The following SYCP2L variants were observed in gnomAD, a reference collection of about 807,000 sequenced individuals.
SYCP2L encodes the protein synaptonemal complex protein 2-like.
SYCP2L carries 98 observed loss-of-function variants against 125.8 expected under a neutral mutation model. The observed-to-expected ratio is 0.78, with a 90% CI of 0.66 to 0.92. The LOEUF is 0.92. Ranked by LOEUF, SYCP2L falls within the 40% of genes least tolerant of loss-of-function variation. The probability of loss-of-function intolerance (pLI) is 0.00; values close to 1 mark genes in which losing one functional copy is unlikely to be tolerated. For synonymous variants in SYCP2L, 317 were observed against 325.4 expected (o/e 0.97, Z 0.28); for missense variants, 842 against 936.4 (o/e 0.90, Z 1.32).
At chr6:10,937,735 A>G (rs1357582757) in intron 21 of SYCP2L, among the ~76,000 whole-genome samples, 1 of 152,220 alleles carries the variant, frequency 6.6e-6, no homozygotes, top group African/African-American at 2.4e-5. Flanking sequence ...AGGAGACACT[A>G]CAACTGATAC....
At chr6:10,958,942 A>T in intron 26 of SYCP2L, 67 bp downstream of exon 26, 7 of 1,386,404 alleles carry the variant, frequency 5.0e-6, no homozygotes, top group Non-Finnish European at 7.1e-6. Context: ...TTATCTCATG[A>T]CCACTGTGCT....
chr6:10,904,071 T>C (rs1178554735), intron 8 of SYCP2L, among the ~76,000 whole-genome samples: 1 of 152,212 alleles, frequency 6.6e-6, no homozygotes, highest in East Asian at 1.9e-4. Flanking sequence ...TTGATAGTTA[T>C]TGTAAAGGTT....
intron 5 of SYCP2L, 141 bp from the exon 6 acceptor site, chr6:10,898,683 G>A (rs1780325935): frequency 3.1e-6 from 2 of 649,164 alleles, no homozygotes; most frequent in Admixed American, 5.6e-5. Flanking sequence ...TTAAGGCCCA[G>A]ATAGGCTTTC....
intron 5 of SYCP2L, among the ~76,000 whole-genome samples, 169 bp downstream of exon 5, chr6:10,898,284 G>A (rs1780295078): frequency 6.6e-6 from 1 of 152,202 alleles, no homozygotes; most frequent in Non-Finnish European, 1.5e-5. Flanking sequence ...GGAGGCCGAG[G>A]TGAGTGGATC....
intron 21 of SYCP2L, among the ~76,000 whole-genome samples, chr6:10,936,078 C>A (rs542983151): frequency 1.5e-4 from 23 of 152,106 alleles, no homozygotes; most frequent in Admixed American, 3.9e-4. Context: ...CATTATTCTG[C>A]AGTTCACATT....
intron 1 of SYCP2L, among the ~76,000 whole-genome samples, chr6:10,890,532 T>A (rs1780154641): frequency 1.3e-5 from 2 of 152,218 alleles, no homozygotes; most frequent in Non-Finnish European, 2.9e-5. Flanking sequence ...TTACCCATTT[T>A]TAATTGGATT....
At chr6:10,972,625 GGAA>G (rs1781793212) in intron 29 of SYCP2L, among the ~76,000 whole-genome samples, 1 of 152,166 alleles carries the variant, frequency 6.6e-6, no homozygotes, top group Admixed American at 6.5e-5. Context: ...ACCCCAGGCA[GGAA>G]GAAGGAGTTG....
At chr6:10,896,813 G>A (rs1780266428) in intron 4 of SYCP2L, among the ~76,000 whole-genome samples, 2 of 152,152 alleles carry the variant, frequency 1.3e-5, no homozygotes, top group Non-Finnish European at 2.9e-5. Flanking sequence ...GTCTGGGATA[G>A]GTCCCAGGCT....
chr6:10,915,052 T>C (rs891258638), intron 14 of SYCP2L, among the ~76,000 whole-genome samples: 1 of 152,078 alleles, frequency 6.6e-6, no homozygotes, highest in Non-Finnish European at 1.5e-5. Flanking sequence ...GGCCCATCCC[T>C]AAGTTATTTT....
chr6:10,955,561 AT>A lies in SYCP2L; in HGVS notation c.2056+345del, dbSNP rs527735148. ...ATATCTATACCGATTAAGAAGAATG[AT>A]CTGGAATGTCTGCATGTTTGAGGCT... On this transcript the variant is annotated intron_variant, in intron 24 of 29. Coordinates refer to ENST00000283141, the MANE Select transcript of SYCP2L (RefSeq NM_001040274.3). Among the ~76,000 whole-genome samples, 468 of 152,342 alleles carry A rather than the reference AT, an allele frequency of 3.1e-3. 1 individual carries two copies. Among genetic ancestry groups the A allele is most frequent in the Non-Finnish European group, 5.0e-3 (338 of 68,034 alleles).
At chr6:10,938,868 C>T (rs1042464857) in intron 21 of SYCP2L, among the ~76,000 whole-genome samples, 1 of 152,158 alleles carries the variant, frequency 6.6e-6, no homozygotes, top group African/African-American at 2.4e-5. Context: ...TGCCTGTAAT[C>T]CCAGCACTTT....
At chr6:10,951,565 G>T (rs1451965932) in intron 23 of SYCP2L, among the ~76,000 whole-genome samples, 1 of 152,144 alleles carries the variant, frequency 6.6e-6, no homozygotes, top group East Asian at 1.9e-4. Flanking sequence ...CTATACAAAA[G>T]ATATTTAGTA....
chr6:10,956,291 A>C, intron 25 of SYCP2L, 49 bp downstream of exon 25: 1 of 1,354,598 alleles, frequency 7.4e-7, no homozygotes, highest in South Asian at 1.2e-5. Flanking sequence ...AATCTGGAGG[A>C]CATTATGCTA....
chr6:10,891,839 T>C (rs1232743096), intron 2 of SYCP2L, among the ~76,000 whole-genome samples: 1 of 152,216 alleles, frequency 6.6e-6, no homozygotes, highest in Admixed American at 6.5e-5. Context: ...ATCTTACCAA[T>C]ATCCTAGTCT....
intron 4 of SYCP2L, among the ~76,000 whole-genome samples, chr6:10,897,718 A>C (rs1016895890): frequency 2.6e-5 from 4 of 152,080 alleles, no homozygotes; most frequent in African/African-American, 4.8e-5. Context: ...GGCCTCATTT[A>C]TCTCTTAAAT....
At chr6:10,965,419 A>G (rs952431954) in intron 29 of SYCP2L, among the ~76,000 whole-genome samples, 1 of 152,202 alleles carries the variant, frequency 6.6e-6, no homozygotes, top group Non-Finnish European at 1.5e-5. Flanking sequence ...TGGGAAGAAT[A>G]TGTGGGTCAA....
intron 14 of SYCP2L, among the ~76,000 whole-genome samples, chr6:10,923,328 G>A (rs1780833421): frequency 6.6e-6 from 1 of 151,674 alleles, no homozygotes; most frequent in African/African-American, 2.4e-5. Flanking sequence ...TGTCAGGAAA[G>A]GGCTGGTGAC....
At chr6:10,971,677 T>C (rs1781777108) in intron 29 of SYCP2L, among the ~76,000 whole-genome samples, 3 of 140,908 alleles carry the variant, frequency 2.1e-5, no homozygotes, top group South Asian at 2.6e-4. Context: ...TGTATACTTA[T>C]ATATGTTTTT....
At chr6:10,918,747 G>C (rs931134006) in intron 14 of SYCP2L, among the ~76,000 whole-genome samples, 1 of 152,092 alleles carries the variant, frequency 6.6e-6, no homozygotes, top group Non-Finnish European at 1.5e-5. Flanking sequence ...TGTTGGCCAG[G>C]ATGGTCTCAA....
Sources: gnomAD v4.1 joint callset for allele counts (sites outside exome capture counted in the v4.1 genomes callset) on GRCh38, gnomAD v4.1.1 for gene constraint, MANE v1.5 for transcripts, NCBI Gene and HGNC (gene_info 2026-07-23, HGNC 2026-07-21) for gene names.